WDR72: variants seen among roughly 807,000 people sequenced by gnomAD.
The protein encoded by WDR72 is WD repeat-containing protein 72.
Under a neutral mutation model 124.2 loss-of-function variants are expected in WDR72, and 120 were observed. That is an observed-to-expected ratio of 0.97 (90% CI 0.83 to 1.12). The LOEUF is 1.12. WDR72 is among the 50% of genes most tolerant of loss of function. The pLI, the probability that WDR72 is intolerant of heterozygous loss-of-function variation, is 0.00. For missense variants in WDR72, 1,387 were observed against 1,278.8 expected (o/e 1.08, Z -1.29); for synonymous variants, 452 against 441.7 (o/e 1.02, Z -0.29).
chr15:53,716,542 A>G (rs1345237971), intron 4 of WDR72, 65 bp downstream of exon 4: 4 of 1,057,486 alleles, frequency 3.8e-6, no homozygotes, highest in African/African-American at 1.5e-5. Flanking sequence ...TTAGAAGTGT[A>G]TTTGCAAATG....
intron 18 of WDR72, among the ~76,000 whole-genome samples, chr15:53,572,248 T>C (rs1894556650): frequency 6.6e-6 from 1 of 152,168 alleles, no homozygotes; most frequent in Non-Finnish European, 1.5e-5. Context: ...TTTTGCTTTT[T>C]TTGACTGTGC....
chr15:53,542,960 T>C (rs1423723432), intron 18 of WDR72, among the ~76,000 whole-genome samples: 1 of 151,986 alleles, frequency 6.6e-6, no homozygotes, highest in Non-Finnish European at 1.5e-5. Context: ...TAAATATATA[T>C]GCACTCAACA....
chr15:53,678,146 G>C (rs1259312404), intron 13 of WDR72, among the ~76,000 whole-genome samples: 1 of 152,168 alleles, frequency 6.6e-6, no homozygotes, highest in African/African-American at 2.4e-5. Context: ...AACTTTATTG[G>C]CAAGACAATC....
At chr15:53,530,456 T>C (rs1892388337) in intron 18 of WDR72, among the ~76,000 whole-genome samples, 1 of 151,952 alleles carries the variant, frequency 6.6e-6, no homozygotes, top group Non-Finnish European at 1.5e-5. Flanking sequence ...TTTGTTTTCT[T>C]TTTAAGGACC....
At chr15:53,724,481 G>A (rs2017964189) in intron 2 of WDR72, among the ~76,000 whole-genome samples, 2 of 152,320 alleles carry the variant, frequency 1.3e-5, no homozygotes, top group Non-Finnish European at 1.5e-5. Flanking sequence ...GAAGCCTCGG[G>A]AAACTTACAA....
chr15:53,655,988 G>C (rs2015408477), intron 14 of WDR72, among the ~76,000 whole-genome samples: 1 of 152,226 alleles, frequency 6.6e-6, no homozygotes, highest in Non-Finnish European at 1.5e-5. Context: ...ATGGTGCCCA[G>C]CTTTGTAAGC....
At chr15:53,615,359 A>G (rs2013712211) in intron 15 of WDR72, 67 bp downstream of exon 15, 1 of 1,290,436 alleles carries the variant, frequency 7.7e-7, no homozygotes, top group African/African-American at 1.5e-5. Flanking sequence ...AGCTAAATAT[A>G]GCAAATAATG....
chr15:53,617,048 G>A (rs2013795703), intron 14 of WDR72, among the ~76,000 whole-genome samples: 1 of 151,756 alleles, frequency 6.6e-6, no homozygotes, highest in South Asian at 2.1e-4. Context: ...ATTATCAAGA[G>A]ACTCAATTAA....
intron 18 of WDR72, among the ~76,000 whole-genome samples, chr15:53,591,595 A>T (rs2012497746): frequency 6.6e-6 from 1 of 152,032 alleles, no homozygotes; most frequent in Non-Finnish European, 1.5e-5. Flanking sequence ...TAGCATATCA[A>T]CATTATGTCC....
At chr15:53,535,473 A>C (rs1892712943) in intron 18 of WDR72, among the ~76,000 whole-genome samples, 1 of 152,190 alleles carries the variant, frequency 6.6e-6, no homozygotes, top group South Asian at 2.1e-4. Flanking sequence ...GATTCGGCTT[A>C]AAATTTTTTG....
At chr15:53,676,584 C>T (rs2016179846) in intron 13 of WDR72, among the ~76,000 whole-genome samples, 1 of 152,188 alleles carries the variant, frequency 6.6e-6, no homozygotes, top group Non-Finnish European at 1.5e-5. Context: ...GGCCCTCAGA[C>T]CTACAAGTGA....
chr15:53,706,289 G>A lies in WDR72; in HGVS notation c.955-215C>T, dbSNP rs534240083. On this transcript the variant is annotated intron_variant, in intron 9 of 19. Coordinates refer to ENST00000360509, the MANE Select transcript of WDR72 (RefSeq NM_182758.4). ...GAAGCAAAGTCATAGACCTCAGAAA[G>A]TCAATAAAAGTATCTAACATTTACT... 1.0e-4 allele frequency among the ~76,000 whole-genome samples: 15 copies of A among 147,162 alleles called. No individual in the cohort carries two copies. The South Asian group carries it at 3.0e-3, about 29-fold the overall frequency.
intron 12 of WDR72, 138 bp downstream of exon 12, chr15:53,701,996 T>C (rs1228029549): frequency 5.4e-6 from 3 of 556,764 alleles, no homozygotes; most frequent in South Asian, 2.9e-5. Context: ...ATATGAATCA[T>C]CCAGTTGTAT....
intron 14 of WDR72, among the ~76,000 whole-genome samples, chr15:53,623,739 G>T (rs2014097889): frequency 6.6e-6 from 1 of 152,042 alleles, no homozygotes; most frequent in South Asian, 2.1e-4. Flanking sequence ...TCCACAGTAG[G>T]TGAACTAATT....
At chr15:53,688,013 C>G (rs1030000593) in intron 13 of WDR72, among the ~76,000 whole-genome samples, 14 of 147,206 alleles carry the variant, frequency 9.5e-5, no homozygotes, top group Non-Finnish European at 1.5e-4. Flanking sequence ...AATTCAACAA[C>G]CCTTCATGCT....
At chr15:53,699,981 T>C in intron 12 of WDR72, 36 bp from the exon 13 acceptor site, 1 of 1,612,774 alleles carries the variant, frequency 6.2e-7, no homozygotes, top group Non-Finnish European at 8.5e-7. Context: ...AAGTAAATAG[T>C]CAAATGCTTT....
chr15:53,735,267 G>A (rs2018319257), intron 1 of WDR72, among the ~76,000 whole-genome samples: 1 of 152,116 alleles, frequency 6.6e-6, no homozygotes, highest in African/African-American at 2.4e-5. Flanking sequence ...CTCCAGCCTG[G>A]GCTACAGAGC....
intron 14 of WDR72, among the ~76,000 whole-genome samples, chr15:53,640,811 G>A (rs535675366): frequency 5.3e-5 from 8 of 152,052 alleles, no homozygotes; most frequent in Admixed American, 2.0e-4. Flanking sequence ...TGTGGCTTAA[G>A]TGTCAATCTT....
chr15:53,715,906 G>A (rs28419598), intron 4 of WDR72, among the ~76,000 whole-genome samples: 7,265 of 152,228 alleles, frequency 0.048, 613 homozygotes, highest in African/African-American at 0.17. Context: ...AGTATTTGAA[G>A]GGCATTTGAG....
Sources: allele counts gnomAD v4.1 joint callset (sites outside exome capture counted in the v4.1 genomes callset), GRCh38; gene constraint gnomAD v4.1.1; transcripts MANE v1.5; gene names NCBI Gene and HGNC (gene_info 2026-07-23, HGNC 2026-07-21).